Variants in SCAPER observed in about 807,000 individuals in gnomAD.
SCAPER encodes the protein S-phase cyclin A associated protein in the ER, also known as S phase cyclin A-associated protein in the endoplasmic reticulum.
Under a neutral mutation model 182.2 loss-of-function variants are expected in SCAPER, and 98 were observed. The ratio of observed to expected loss-of-function variants is 0.54; its 90% CI spans 0.46 to 0.64. SCAPER has a LOEUF of 0.64. SCAPER is among the 30% of genes least tolerant of loss of function. The probability of loss-of-function intolerance (pLI) is 0.00; values close to 1 mark genes in which losing one functional copy is unlikely to be tolerated. For missense variants in SCAPER, 1,432 were observed against 1,690.0 expected, an observed-to-expected ratio of 0.85 and a Z score of 2.68; for synonymous variants, 605 against 564.6, an observed-to-expected ratio of 1.07 and a Z score of -1.01.
At chr15:76,475,222 TATAA>T (rs2050529091) in intron 24 of SCAPER, among the ~76,000 whole-genome samples, 1 of 152,218 alleles carries the variant, frequency 6.6e-6, no homozygotes, top group Non-Finnish European at 1.5e-5. Context: ...TTCCTATTCT[TATAA>T]ATAAATTTAC....
At chr15:76,871,676 A>T (rs2072745408) in intron 2 of SCAPER, among the ~76,000 whole-genome samples, 1 of 150,228 alleles carries the variant, frequency 6.7e-6, no homozygotes, top group African/African-American at 2.4e-5. Context: ...GGGTTCAAGC[A>T]ATTCTCCAGG....
chr15:76,716,778 T>C (rs1301671886), intron 17 of SCAPER, among the ~76,000 whole-genome samples: 1 of 151,940 alleles, frequency 6.6e-6, no homozygotes, highest in Non-Finnish European at 1.5e-5. Flanking sequence ...AGAGAGCCTA[T>C]GGGACACCAC....
intron 23 of SCAPER, among the ~76,000 whole-genome samples, chr15:76,530,195 C>T (rs965850673): frequency 5.3e-5 from 8 of 152,118 alleles, no homozygotes; most frequent in African/African-American, 1.2e-4. Context: ...TACCGTTACG[C>T]CTTTTAGTGG....
At chr15:76,714,819 C>T (rs1004525046) in intron 17 of SCAPER, among the ~76,000 whole-genome samples, 7 of 151,834 alleles carry the variant, frequency 4.6e-5, no homozygotes, top group African/African-American at 1.2e-4. Context: ...CGGTAAATTG[C>T]GAAAATACAT....
intron 17 of SCAPER, among the ~76,000 whole-genome samples, chr15:76,717,308 TATA>T: frequency 6.6e-6 from 1 of 152,048 alleles, no homozygotes; most frequent in Admixed American, 6.6e-5. Flanking sequence ...GAAAGAAAAT[TATA>T]ATAATTACCA....
chr15:76,632,654 GTT>G (rs1258438169), intron 21 of SCAPER, among the ~76,000 whole-genome samples: 1 of 151,912 alleles, frequency 6.6e-6, no homozygotes, highest in Non-Finnish European at 1.5e-5. Flanking sequence ...CTGGAGACGT[GTT>G]GTGATCATTT....
At chr15:76,382,428 C>G (rs2043012460) in intron 27 of SCAPER, among the ~76,000 whole-genome samples, 1 of 150,022 alleles carries the variant, frequency 6.7e-6, no homozygotes, top group Admixed American at 6.6e-5. Flanking sequence ...TAGAACCACT[C>G]AATGTGAGGC....
At chr15:76,401,128 TATATG>T (rs1167322165) in intron 27 of SCAPER, among the ~76,000 whole-genome samples, 2 of 151,822 alleles carry the variant, frequency 1.3e-5, no homozygotes, top group Non-Finnish European at 1.5e-5. Flanking sequence ...TATGTATATG[TATATG>T]ATATGTATAT....
At chr15:76,807,379 A>G (rs1210391235) in intron 5 of SCAPER, among the ~76,000 whole-genome samples, 1 of 152,022 alleles carries the variant, frequency 6.6e-6, no homozygotes, top group Non-Finnish European at 1.5e-5. Context: ...AACCACTCTT[A>G]CCTTCCTGGA....
chr15:76,551,751 T>C (rs1369444845), intron 23 of SCAPER, among the ~76,000 whole-genome samples: 2 of 152,196 alleles, frequency 1.3e-5, no homozygotes, highest in Non-Finnish European at 2.9e-5. Flanking sequence ...ATATGCTAAC[T>C]ACACTGATTT....
At chr15:76,819,750 T>A (rs1462208126) in intron 5 of SCAPER, among the ~76,000 whole-genome samples, 4 of 152,088 alleles carry the variant, frequency 2.6e-5, no homozygotes, top group African/African-American at 9.7e-5. Context: ...CTTTGACCAG[T>A]TGAGAGAGGA....
chr15:76,555,975 A>G (rs1002007329), intron 23 of SCAPER, among the ~76,000 whole-genome samples: 1 of 152,168 alleles, frequency 6.6e-6, no homozygotes, highest in Admixed American at 6.5e-5. Context: ...CTGACCACAC[A>G]ATCAGCCATA....
intron 22 of SCAPER, among the ~76,000 whole-genome samples, chr15:76,587,191 A>G (rs1030826753): frequency 3.9e-5 from 6 of 152,032 alleles, no homozygotes; most frequent in Admixed American, 6.6e-5. Flanking sequence ...GGATCTTCCC[A>G]ATCAATAGAA....
At chr15:76,824,711 T>C (rs999777719) in intron 5 of SCAPER, among the ~76,000 whole-genome samples, 3 of 141,790 alleles carry the variant, frequency 2.1e-5, no homozygotes, top group Non-Finnish European at 4.6e-5. Flanking sequence ...TCTTCAGTTT[T>C]CAATCACTCA....
intron 25 of SCAPER, among the ~76,000 whole-genome samples, chr15:76,469,457 A>C (rs187679292): frequency 2.0e-5 from 3 of 152,304 alleles, no homozygotes; most frequent in Admixed American, 2.0e-4. Flanking sequence ...AAAACAGACT[A>C]TTCTATAGAT....
intron 20 of SCAPER, among the ~76,000 whole-genome samples, chr15:76,666,448 T>C (rs978770773): frequency 1.3e-5 from 2 of 152,236 alleles, no homozygotes; most frequent in Non-Finnish European, 2.9e-5. Context: ...CCTATCACTA[T>C]AATCATTCTG....
Position 76,410,249 on chromosome 15 carries a change from T to C in SCAPER, c.3312-5570A>G, listed in dbSNP as rs888164097. Among the ~76,000 whole-genome samples, 3 of 152,220 alleles carry C rather than the reference T, an allele frequency of 2.0e-5. 1 individual carries two copies. In the South Asian group the frequency reaches 6.2e-4, roughly 32 times the overall value. On this transcript the variant is annotated intron_variant, in intron 26 of 31. Transcript: ENST00000563290. ...ATTCTTGTCCAAATGAATGTCATTA[T>C]TCATCTCACAGTAATGCAAGAAATT...
At chr15:76,632,268 C>A (rs966776751) in intron 21 of SCAPER, among the ~76,000 whole-genome samples, 1 of 152,114 alleles carries the variant, frequency 6.6e-6, no homozygotes, top group East Asian at 1.9e-4. Flanking sequence ...CAGCTCACTG[C>A]AACCTCCACC....
chr15:76,551,077 T>C (rs2045729294), intron 23 of SCAPER, among the ~76,000 whole-genome samples: 1 of 152,082 alleles, frequency 6.6e-6, no homozygotes, highest in Non-Finnish European at 1.5e-5. Flanking sequence ...AACAGAGATG[T>C]AGAGAAATGG....
Sources: gnomAD v4.1 joint callset for allele counts (sites outside exome capture counted in the v4.1 genomes callset) on GRCh38, gnomAD v4.1.1 for gene constraint, MANE v1.5 for transcripts, NCBI Gene and HGNC (gene_info 2026-07-23, HGNC 2026-07-21) for gene names.